HECTD4: variants seen among roughly 807,000 people sequenced by gnomAD.
HECTD4 encodes HECT domain E3 ubiquitin protein ligase 4.
A neutral mutation model predicts 471.5 loss-of-function variants in HECTD4; 114 were observed. The ratio of observed to expected loss-of-function variants is 0.24; its 90% CI spans 0.21 to 0.28. The LOEUF is 0.28. HECTD4 is among the 10% of genes least tolerant of loss of function. HECTD4 has a pLI of 1.00. For synonymous variants in HECTD4, 2,012 were observed against 2,256.0 expected (o/e 0.89, Z 3.07); for missense variants, 3,866 against 5,651.5 (o/e 0.68, Z 10.13).
At chr12:112,361,220 T>TATATGTC (rs2036442930) in intron 1 of HECTD4, among the ~76,000 whole-genome samples, 1 of 152,192 alleles carries the variant, frequency 6.6e-6, no homozygotes, top group Admixed American at 6.5e-5. Context: ...TCTTCATTAT[T>TATATGTC]ATATGTCATA....
At chr12:112,324,906 T>C (rs1239430586) in intron 1 of HECTD4, among the ~76,000 whole-genome samples, 1 of 152,228 alleles carries the variant, frequency 6.6e-6, no homozygotes, top group African/African-American at 2.4e-5. Flanking sequence ...TACCTACCTA[T>C]GTACTCAACA....
At position 112,219,458 on chromosome 12, in the gene HECTD4, A is replaced by G. The variant is rs760256064; in HGVS notation, c.7002T>C (p.Cys2334=). ...CCCGGTAGAGCATCCTCAGCCGTTC[A>G]CACTGTACCTCCACAACTGCAAGTC... ...GERLAVVEVQ[C]ERLRMLYRDC... is the part of the protein sequence containing the mutation. Residue 2334 remains cysteine, a synonymous_variant, in exon 45 of 76, where the codon TGT becomes TGC. Transcript: ENST00000682272. 6.2e-7 allele frequency: 1 copy of G among 1,613,876 alleles called. No homozygotes were observed. The highest frequency in any genetic ancestry group is 8.5e-7 in the Non-Finnish European group (1 of 1,179,808).
In HECTD4 at chr12:112,302,321, T is replaced by C. The variant is rs1329894877; in HGVS notation, c.1335+3743A>G. On this transcript the variant is annotated intron_variant, in intron 7 of 75. Transcript: ENST00000682272. The stretch of plus-strand genomic sequence containing the variant: ...TTTGCCAGCAGCTTTCTTCTCAGCC[T>C]GGGCCAACAGCCTCTGCTTCTTCTC... The C allele has an allele frequency of 6.6e-6, 5 of 759,434 alleles. No individual in the cohort carries two copies. In the East Asian group the frequency reaches 1.0e-4, roughly 15 times the overall value. The allele number at this position is 759,434 out of a possible 1,614,324, so 47.0% of individuals were successfully genotyped here.
At chr12:112,167,278 CG>C (rs766596340) in intron 72 of HECTD4, 38 bp downstream of exon 72, 1 of 1,546,190 alleles carries the variant, frequency 6.5e-7, no homozygotes, top group Admixed American at 1.8e-5. Flanking sequence ...GGGGAGGCCC[CG>C]GGTTCTGCAG....
chr12:112,213,622 G>A lies in HECTD4; in HGVS notation c.7466-972C>T, dbSNP rs757248953. On this transcript the variant is annotated intron_variant, in intron 48 of 75. Coordinates refer to ENST00000682272, the MANE Select transcript of HECTD4 (RefSeq NM_001388303.1). This position sits in a 1 kb window ranked among gnomAD's most constrained non-coding sequence, Gnocchi z 4.0. ...AATGGCGTGAACCCGGGAGGCGGAG[G>A]TTGCAGTGAGCCAAGATTGTGCCAC... Among the ~76,000 whole-genome samples, 1 of 151,402 alleles carries A rather than the reference G, an allele frequency of 6.6e-6. No individual in the cohort carries two copies. Among genetic ancestry groups the A allele is most frequent in the Non-Finnish European group, 1.5e-5 (1 of 67,916 alleles).
In HECTD4 at chr12:112,319,899, C is replaced by T. The variant is rs1035609190; in HGVS notation, c.178-157G>A. Among the ~76,000 whole-genome samples, 8 of 152,190 alleles carry T rather than the reference C, an allele frequency of 5.3e-5. No homozygotes were observed. Among genetic ancestry groups the T allele is most frequent in the African/African-American group, 1.9e-4 (8 of 41,446 alleles). ...CGTATACTGTAAAGCCAGCTCTTTG[C>T]TGATGGAATTGTTCCCCTTTTGGCT... On this transcript the variant is annotated intron_variant, in intron 1 of 75. Coordinates refer to ENST00000682272, the MANE Select transcript of HECTD4 (RefSeq NM_001388303.1). The surrounding 1 kb of genome is among the most constrained non-coding windows in gnomAD (Gnocchi z 5.3).
chr12:112,302,711 C>G, intron 7 of HECTD4: 1 of 437,986 alleles, frequency 2.3e-6, no homozygotes, highest in Non-Finnish European at 4.0e-6. Flanking sequence ...TTAACTTTTT[C>G]TCATTTTTAA....
chr12:112,335,852 G>GTTAATAAGTGAAAGACAAACAATCA (rs1270281844), intron 1 of HECTD4, among the ~76,000 whole-genome samples: 9 of 152,148 alleles, frequency 5.9e-5, no homozygotes, highest in Non-Finnish European at 1.2e-4. Context: ...AAGTGTTCTA[G>GTTAATAAGTGAAAGACAAACAATCA]TTAATAAGTG....
intron 1 of HECTD4, among the ~76,000 whole-genome samples, chr12:112,356,419 T>G (rs960329693): frequency 6.6e-6 from 1 of 151,964 alleles, no homozygotes; most frequent in East Asian, 1.9e-4. Flanking sequence ...TTCTGGTGTG[T>G]GTTTTTTGTT....
chr12:112,372,320 C>T lies in HECTD4; in HGVS notation c.177+9632G>A, dbSNP rs977399635. On this transcript the variant is annotated intron_variant, in intron 1 of 75. Transcript: ENST00000682272. ...TGTCGCCCAGTCTGGAGTGCAGTGG[C>T]GCAATCTCGGCTCACTGCAAGCTCC... Among the ~76,000 whole-genome samples, 11 of 152,046 alleles carry T rather than the reference C, an allele frequency of 7.2e-5. 1 individual carries two copies. The highest frequency in any genetic ancestry group is 8.8e-5 in the Non-Finnish European group (6 of 67,994).
chr12:112,170,186 A>T (rs967108133), intron 69 of HECTD4, 147 bp downstream of exon 69: 4 of 1,123,302 alleles, frequency 3.6e-6, no homozygotes, highest in Non-Finnish European at 5.0e-6. Flanking sequence ...ACCTTCCAGC[A>T]GGAAGCCACA....
At chr12:112,344,074 G>C (rs571596724) in intron 1 of HECTD4, among the ~76,000 whole-genome samples, 7 of 152,296 alleles carry the variant, frequency 4.6e-5, no homozygotes, top group Non-Finnish European at 7.4e-5. Context: ...GAGGAAAATG[G>C]AATGGGTTTT....
chr12:112,252,645 T>C, intron 22 of HECTD4, 117 bp from the exon 23 acceptor site: 1 of 1,187,930 alleles, frequency 8.4e-7, no homozygotes, highest in Non-Finnish European at 1.2e-6. Context: ...TTTCACTCCT[T>C]TTCTCATTTG....
Position 112,177,760 on chromosome 12 carries a change from A to G in HECTD4, c.11364-1058T>C, listed in dbSNP as rs571006629. On this transcript the variant is annotated intron_variant, in intron 64 of 75. Coordinates refer to ENST00000682272, the MANE Select transcript of HECTD4 (RefSeq NM_001388303.1). Reference sequence around the variant, plus strand: ...TGATTTCCAAAATTAGTATTAAATAAAAATGGCAAGGTATGGACATTGTGT... The same window carrying G: ...TGATTTCCAAAATTAGTATTAAATAGAAATGGCAAGGTATGGACATTGTGT... 5.9e-5 allele frequency among the ~76,000 whole-genome samples: 9 copies of G among 152,350 alleles called. No homozygotes were observed. In the South Asian group the frequency reaches 1.4e-3, roughly 25 times the overall value.
intron 58 of HECTD4, 98 bp downstream of exon 58, chr12:112,192,963 A>G: frequency 6.9e-7 from 1 of 1,443,450 alleles, no homozygotes; most frequent in South Asian, 1.2e-5. Context: ...TTTGCATTAA[A>G]GAATCAGTGA....
At chr12:112,346,924 T>C (rs1441103826) in intron 1 of HECTD4, among the ~76,000 whole-genome samples, 1 of 152,208 alleles carries the variant, frequency 6.6e-6, no homozygotes, top group Non-Finnish European at 1.5e-5. Context: ...TATATCCATA[T>C]ATACTGGAAA....
At chr12:112,378,272 G>A (rs2036820959) in intron 1 of HECTD4, among the ~76,000 whole-genome samples, 1 of 152,052 alleles carries the variant, frequency 6.6e-6, no homozygotes, top group East Asian at 1.9e-4. Flanking sequence ...AGGCTGGAGT[G>A]CAGTGACGCG....
At chr12:112,370,128 C>T (rs1349134838) in intron 1 of HECTD4, among the ~76,000 whole-genome samples, 7 of 151,864 alleles carry the variant, frequency 4.6e-5, no homozygotes, top group East Asian at 1.9e-4. Context: ...GAGGAGAAGG[C>T]GATGTGATGA....
intron 68 of HECTD4, 156 bp from the exon 69 acceptor site, chr12:112,170,608 C>T (rs1056355499): frequency 4.3e-5 from 37 of 858,668 alleles, no homozygotes; most frequent in South Asian, 6.8e-5. Context: ...TGTCAGCATC[C>T]GCCCAGCATA....
Sources: allele counts gnomAD v4.1 joint callset (sites outside exome capture counted in the v4.1 genomes callset), GRCh38; gene constraint gnomAD v4.1.1; non-coding constraint Gnocchi (gnomAD v3.1); transcripts MANE v1.5; gene names NCBI Gene and HGNC (gene_info 2026-07-23, HGNC 2026-07-21).